The following PRKG1 variants were observed in gnomAD, a reference collection of about 807,000 sequenced individuals.
The protein encoded by PRKG1 is protein kinase cGMP-dependent 1, also known as cGMP-dependent protein kinase 1.
Under a neutral mutation model 88.1 loss-of-function variants are expected in PRKG1, and 35 were observed. That is an observed-to-expected ratio of 0.40 (90% CI 0.30 to 0.53). The LOEUF is 0.53. Among genes scored for constraint, PRKG1 ranks in the 20% least tolerant of loss-of-function variants. The pLI, the probability that PRKG1 is intolerant of heterozygous loss-of-function variation, is 0.59. For synonymous variants in PRKG1, 303 were observed against 292.5 expected, an observed-to-expected ratio of 1.04 and a Z score of -0.37; for missense variants, 540 against 839.8, an observed-to-expected ratio of 0.64 and a Z score of 4.41.
intron 10 of PRKG1, among the ~76,000 whole-genome samples, chr10:52,254,295 A>G (rs1370766818): frequency 6.6e-6 from 1 of 151,998 alleles, no homozygotes; most frequent in Non-Finnish European, 1.5e-5. Flanking sequence ...TAATCTTGTC[A>G]ATATTATAAA....
At chr10:51,255,045 T>G (rs185256779) in intron 2 of PRKG1, among the ~76,000 whole-genome samples, 4 of 152,224 alleles carry the variant, frequency 2.6e-5, no homozygotes, top group African/African-American at 9.6e-5. Flanking sequence ...GATAAAATAA[T>G]TTGTTCAATA....
intron 9 of PRKG1, among the ~76,000 whole-genome samples, chr10:52,166,880 TAC>T (rs143459696): frequency 0.18 from 21,855 of 121,554 alleles, 2,243 homozygotes; most frequent in Non-Finnish European, 0.23. Context: ...TGTGTATGTA[TAC>T]ACACACACAC....
intron 2 of PRKG1, among the ~76,000 whole-genome samples, chr10:51,274,136 A>G (rs936225679): frequency 1.3e-5 from 2 of 152,178 alleles, no homozygotes; most frequent in African/African-American, 4.8e-5. Flanking sequence ...TCCTGGTGTC[A>G]TAATTTTTTT....
intron 2 of PRKG1, among the ~76,000 whole-genome samples, chr10:51,357,388 T>C (rs1050532005): frequency 6.6e-6 from 1 of 151,910 alleles, no homozygotes; most frequent in East Asian, 1.9e-4. Flanking sequence ...TTGCCTTCTG[T>C]TGGAAATACC....
intron 5 of PRKG1, among the ~76,000 whole-genome samples, chr10:52,045,634 A>G (rs1390447642): frequency 6.6e-6 from 1 of 152,050 alleles, no homozygotes; most frequent in Non-Finnish European, 1.5e-5. Flanking sequence ...GAGCTAGGCA[A>G]GTTTGGTGTC....
At position 50,991,791 on chromosome 10, in the gene PRKG1, G is replaced by C. The variant is rs1842785926; in HGVS notation, c.266+147G>C. 2 of 508,868 alleles carry C rather than the reference G, an allele frequency of 3.9e-6. No homozygotes were observed. Among genetic ancestry groups the C allele is most frequent in the Non-Finnish European group, 5.1e-6 (2 of 390,452 alleles). 31.5% of individuals were successfully genotyped at this position (508,868 alleles called of 1,614,324 possible). On this transcript the variant is annotated intron_variant, in intron 1 of 17. Coordinates refer to the PRKG1 transcript ENST00000401604. This position sits in a 1 kb window ranked among gnomAD's most constrained non-coding sequence, Gnocchi z 4.5. ...GAGTGGGGGTGGCCCCGCGGCCCGG[G>C]AATGGGAAGTGTTTATTTTTATTTC... is the stretch of plus-strand genomic sequence containing the variant.
Position 51,539,618 on chromosome 10 carries a change from C to T in PRKG1, c.592+71782C>T, listed in dbSNP as rs190104012. ...TATTCAAACCAAATTATTAAGTGCA[C>T]GAATGAATTCCTTTTAAGGACTTTA... On this transcript the variant is annotated intron_variant, in intron 3 of 17. Transcript: ENST00000373980. Among the ~76,000 whole-genome samples the T allele has an allele frequency of 9.9e-5, 15 of 152,186 alleles. No homozygotes were observed. In the East Asian group the frequency reaches 1.7e-3, roughly 18 times the overall value.
intron 3 of PRKG1, among the ~76,000 whole-genome samples, chr10:51,623,785 C>T (rs1490989397): frequency 6.6e-6 from 1 of 152,104 alleles, no homozygotes; most frequent in Non-Finnish European, 1.5e-5. Flanking sequence ...TCCCCTCCCG[C>T]GTGTTTCCGT....
chr10:51,000,895 C>A (rs1428168714), intron 1 of PRKG1, among the ~76,000 whole-genome samples: 1 of 152,138 alleles, frequency 6.6e-6, no homozygotes, highest in African/African-American at 2.4e-5. Flanking sequence ...CTCCCCACTG[C>A]CCTGTTTGAA....
intron 2 of PRKG1, among the ~76,000 whole-genome samples, chr10:51,170,591 C>A (rs896313835): frequency 6.6e-6 from 1 of 151,762 alleles, no homozygotes. Flanking sequence ...GTAAGTTGAG[C>A]ATTGAGCAGA....
chr10:50,995,400 A>G (rs1434645623), intron 1 of PRKG1, among the ~76,000 whole-genome samples: 3 of 152,204 alleles, frequency 2.0e-5, no homozygotes, highest in Non-Finnish European at 4.4e-5. Context: ...CAATACGATG[A>G]TCATGTTTAA....
chr10:52,081,137 T>A (rs1239344990), intron 7 of PRKG1, among the ~76,000 whole-genome samples: 2 of 152,136 alleles, frequency 1.3e-5, no homozygotes, highest in Non-Finnish European at 2.9e-5. Flanking sequence ...CAACGTACAA[T>A]GTGTGATGTT....
intron 4 of PRKG1, among the ~76,000 whole-genome samples, chr10:51,876,385 A>T (rs1004417177): frequency 1.3e-5 from 2 of 152,130 alleles, no homozygotes; most frequent in African/African-American, 4.8e-5. Flanking sequence ...TGCTTAATCT[A>T]CCTGTTTATA....
chr10:52,184,036 A>G (rs1186411038), intron 9 of PRKG1, among the ~76,000 whole-genome samples: 1 of 152,202 alleles, frequency 6.6e-6, no homozygotes, highest in Non-Finnish European at 1.5e-5. Flanking sequence ...CTGGGCTTCC[A>G]GTCACCATGG....
At chr10:51,797,778 C>A (rs1461460663) in intron 3 of PRKG1, among the ~76,000 whole-genome samples, 1 of 151,604 alleles carries the variant, frequency 6.6e-6, no homozygotes, top group South Asian at 2.1e-4. Flanking sequence ...AAACACTGAA[C>A]TTATTAAAGG....
At chr10:51,311,948 C>T (rs188883865) in intron 2 of PRKG1, among the ~76,000 whole-genome samples, 5 of 152,180 alleles carry the variant, frequency 3.3e-5, no homozygotes, top group Non-Finnish European at 7.4e-5. Context: ...CTTGGCTCAC[C>T]GCAACCTCTG....
At chr10:51,888,794 A>G (rs1038729823) in intron 4 of PRKG1, among the ~76,000 whole-genome samples, 1 of 152,200 alleles carries the variant, frequency 6.6e-6, no homozygotes, top group Non-Finnish European at 1.5e-5. Flanking sequence ...CATAAGGTAG[A>G]TAATAAGAGA....
intron 2 of PRKG1, among the ~76,000 whole-genome samples, chr10:51,458,153 T>C (rs1839641143): frequency 6.6e-6 from 1 of 152,182 alleles, no homozygotes; most frequent in Non-Finnish European, 1.5e-5. Context: ...AAAATACATA[T>C]ATCACATCAA....
chr10:51,535,969 C>G (rs374141656), intron 3 of PRKG1, among the ~76,000 whole-genome samples: 3 of 151,970 alleles, frequency 2.0e-5, no homozygotes, highest in Admixed American at 6.5e-5. Context: ...GTGATCCACC[C>G]GCCTCAGCTT....
Sources: allele counts gnomAD v4.1 joint callset (sites outside exome capture counted in the v4.1 genomes callset), GRCh38; gene constraint gnomAD v4.1.1; non-coding constraint Gnocchi (gnomAD v3.1); transcripts MANE v1.5; gene names NCBI Gene and HGNC (gene_info 2026-07-23, HGNC 2026-07-21).